Variants in MAP3K6 observed in about 807,000 individuals in gnomAD.
MAP3K6 encodes the protein apoptosis signal-regulating kinase 2.
A neutral mutation model predicts 147.1 loss-of-function variants in MAP3K6; 105 were observed. The ratio of observed to expected loss-of-function variants is 0.71; its 90% CI spans 0.61 to 0.84. MAP3K6 has a LOEUF of 0.84. Ranked by LOEUF, MAP3K6 falls within the 40% of genes least tolerant of loss-of-function variation. The pLI, the probability that MAP3K6 is intolerant of heterozygous loss-of-function variation, is 0.00. For synonymous variants in MAP3K6, 695 were observed against 732.4 expected (o/e 0.95, Z 0.82); for missense variants, 1,569 against 1,715.0 (o/e 0.91, Z 1.50).
At chr1:27,363,634 TC>T in intron 5 of MAP3K6, 86 bp from the exon 6 acceptor site, 1 of 1,067,198 alleles carries the variant, frequency 9.4e-7, no homozygotes, top group Non-Finnish European at 1.3e-6. Context: ...ACTCCTGACA[TC>T]CCACCCAGCC....
chr1:27,358,997 C>A lies in MAP3K6; in HGVS notation c.2426-131G>T. On this transcript the variant is annotated intron_variant, in intron 18 of 28. Transcript: ENST00000357582. This position sits in a 1 kb window ranked among gnomAD's most constrained non-coding sequence, Gnocchi z 6.2. ...TATCATCCAAAATATACCTCAACAC[C>A]TATCCTGGTCATCAAACATCTATCC... 1 of 894,294 alleles carries A rather than the reference C, an allele frequency of 1.1e-6. No individual in the cohort carries two copies. Among genetic ancestry groups the A allele is most frequent in the Non-Finnish European group, 1.7e-6 (1 of 595,670 alleles). The allele number at this position is 894,294 out of a possible 1,614,324, so 55.4% of individuals were successfully genotyped here.
chr1:27,363,140 GATA>G (rs1229275555), intron 6 of MAP3K6, 119 bp from the exon 7 acceptor site: 2 of 907,558 alleles, frequency 2.2e-6, no homozygotes, highest in Non-Finnish European at 3.3e-6. Flanking sequence ...ACCTCAAAAT[GATA>G]ATGACCCTGG....
At chr1:27,356,531 G>T (rs369058337) in intron 25 of MAP3K6, 31 bp from the exon 26 acceptor site, 2 of 1,611,530 alleles carry the variant, frequency 1.2e-6, no homozygotes. Flanking sequence ...GAATGGAGCG[G>T]TGAGTGGTGA....
Position 27,360,038 on chromosome 1 carries a change from C to A in MAP3K6, c.2183-44G>T, listed in dbSNP as rs754242056. 2 of 1,611,756 alleles carry A rather than the reference C, an allele frequency of 1.2e-6. No individual in the cohort carries two copies. Among genetic ancestry groups the A allele is most frequent in the Non-Finnish European group, 1.7e-6 (2 of 1,178,862 alleles). On this transcript the variant is annotated intron_variant, in intron 16 of 28. Coordinates refer to ENST00000357582, the MANE Select transcript of MAP3K6 (RefSeq NM_004672.5). The surrounding 1 kb of genome is among the most constrained non-coding windows in gnomAD (Gnocchi z 4.5). ...AGTTCATTCTTCCCACCCACTGGCT[C>A]CAGCCCACATCTCTCTGCTCAAGGC...
intron 26 of MAP3K6, 89 bp downstream of exon 26, chr1:27,356,299 G>A: frequency 7.6e-7 from 1 of 1,308,204 alleles, no homozygotes. Context: ...CAGGTGATGA[G>A]CCCAAGTCAG....
Position 27,358,820 on chromosome 1 carries a change from G to C in MAP3K6, c.2472C>G (p.Arg824=). 1 of 1,608,948 alleles carries C rather than the reference G, an allele frequency of 6.2e-7. No homozygotes were observed. Among genetic ancestry groups the C allele is most frequent in the South Asian group, 1.1e-5 (1 of 90,334 alleles). ...MAPEIIDQGP[R]GYGKAADIWS... ...AGATGTCAGCTGCTTTCCCATACCC[G>C]CGTGGGCCCTGGTCAATGATTTCTG... Residue 824 remains arginine (R), a synonymous_variant, in exon 19 of 29, where the codon CGC becomes CGG. Coordinates refer to ENST00000357582, the MANE Select transcript of MAP3K6 (RefSeq NM_004672.5). This position sits in a 1 kb window ranked among gnomAD's most constrained non-coding sequence, Gnocchi z 6.2.
In MAP3K6 at chr1:27,364,775, G is replaced by T. The variant is rs765108232; in HGVS notation, c.478C>A (p.Arg160=). The T allele has an allele frequency of 6.2e-7, 1 of 1,613,460 alleles. No individual in the cohort carries two copies. Residue 160 remains arginine, a splice_region_variant and synonymous_variant, in exon 2 of 29, where the codon CGG becomes AGG. Transcript: ENST00000357582. This position sits in a 1 kb window ranked among gnomAD's most constrained non-coding sequence, Gnocchi z 4.4. The stretch of plus-strand genomic sequence containing the variant: ...TCCACCAGCCCCAGGCCACCTACCC[G>T]CAGGGCCTGCAGGTCAGGGAGGTCG... The part of the protein sequence containing the change: ...QADLPDLQAL[R]EDVFQKNSDC...
Position 27,357,791 on chromosome 1 carries a change from G to A in MAP3K6, c.3001C>T (p.Arg1001Trp). The part of the protein sequence containing the change: ...LSLLHQESKR[R>W]AMLAAVLEQE... ...TCCAATACTGCGGCCAGCATGGCCC[G>A]ACGCTTGCTCTCCTGGTGCAGCAGG... The change falls in exon 22 of 29, where the codon CGG becomes TGG. Residue 1001 changes from arginine to tryptophan, a missense_variant. Arg to Trp is a moderately radical substitution (Grantham distance 101). Transcript: ENST00000357582. 6.2e-7 allele frequency: 1 copy of A among 1,608,950 alleles called. No individual in the cohort carries two copies. Among genetic ancestry groups the A allele is most frequent in the Non-Finnish European group, 8.5e-7 (1 of 1,178,706 alleles).
rs369160013 is a variant in MAP3K6 at position 27,361,855 on chromosome 1, G to A, written c.1428C>T (p.Ser476=). ...GGTAGAGCAGGAAGGTCTCCATCAC[G>A]GACACCAGGTACCTGCATGCAAAGC... ...KLNAPIWYLV[S]VMETFLLYQH... The change falls in exon 10 of 29, where the codon TCC becomes TCT. Residue 476 remains serine (S), a synonymous_variant. Transcript: ENST00000357582. 7 of 1,559,500 alleles carry A rather than the reference G, an allele frequency of 4.5e-6. No homozygotes were observed. Among genetic ancestry groups the A allele is most frequent in the African/African-American group, 4.1e-5 (3 of 73,906 alleles).
rs1269131830 is a variant in MAP3K6, at chr1:27,364,129, C to T, written c.696-44G>A. On this transcript the variant is annotated intron_variant, in intron 4 of 28. Transcript: ENST00000357582. This position sits in a 1 kb window ranked among gnomAD's most constrained non-coding sequence, Gnocchi z 4.4. ...GAGGCAGGGAGAGAGAATGGTGGGG[C>T]CTGTACCTCAGCCCCAGCCCACCAT... 1.9e-6 allele frequency: 3 copies of T among 1,601,328 alleles called. No homozygotes were observed. The highest frequency in any genetic ancestry group is 1.3e-5 in the African/African-American group (1 of 74,810).
intron 22 of MAP3K6, 26 bp downstream of exon 22, chr1:27,357,685 A>AGGG: frequency 6.2e-7 from 1 of 1,605,922 alleles, no homozygotes; most frequent in South Asian, 1.1e-5. Flanking sequence ...TGCGACCACC[A>AGGG]GGGGGCGCTA....
In MAP3K6 at chr1:27,359,984, G is replaced by A. The variant is rs372709415; in HGVS notation, c.2193C>T (p.Ser731=). 1.9e-6 allele frequency: 3 copies of A among 1,613,970 alleles called. No individual in the cohort carries two copies. Among genetic ancestry groups the A allele is most frequent in the African/African-American group, 2.7e-5 (2 of 74,900 alleles). ...GTCCCCACACCGACCGCAGCAAGGA[G>A]GACAGGCTGCCTGGGTGGGGACAGT... The part of the protein sequence containing the change: ...FMEEVPGGSL[S]SLLRSVWGPL... The change falls in exon 17 of 29, where the codon TCC becomes TCT. Residue 731 remains serine, a synonymous_variant. Transcript: ENST00000357582. The surrounding 1 kb of genome is among the most constrained non-coding windows in gnomAD (Gnocchi z 4.4).
chr1:27,355,564 G>T (rs2015489446), intron 28 of MAP3K6, 95 bp from the exon 29 acceptor site: 2 of 1,574,250 alleles, frequency 1.3e-6, no homozygotes, highest in Non-Finnish European at 8.7e-7. Context: ...TGTCCCTAGG[G>T]GACCCAGGTG....
rs202156425 is a variant in MAP3K6, at chr1:27,364,292, C to T, written c.607G>A (p.Val203Ile). 6.2e-5 allele frequency: 100 copies of T among 1,613,864 alleles called. No homozygotes were observed. Among genetic ancestry groups the T allele is most frequent in the Non-Finnish European group, 5.1e-6 (6 of 1,180,038 alleles). Reference protein sequence around the residue: ...GLLRGLADGLVQAGVGTEALL... With the variant: ...GLLRGLADGLIQAGVGTEALL... ...GCCTCGGTCCCCACTCCAGCCTGTA[C>T]CAGCCCATCAGCCAGGCCCCGCAGA... Residue 203 changes from valine (V) to isoleucine (I), a missense_variant, in exon 4 of 29, where the codon GTA becomes ATA. By Grantham distance (29) the Val-to-Ile change is conservative. Transcript: ENST00000357582. The surrounding 1 kb of genome is among the most constrained non-coding windows in gnomAD (Gnocchi z 4.4).
chr1:27,366,350 G>A lies in MAP3K6; in HGVS notation c.248C>T (p.Pro83Leu). ...RCLREACAQV[P>L]RPRPPPQLRS... ...CAGCTGCGGGGGCGGCCGCGGCCGG[G>A]GGACCTGCGCGCAAGCCTCGCGCAG... Residue 83 changes from proline to leucine, a missense_variant, in exon 1 of 29, where the codon CCC becomes CTC. Transcript: ENST00000357582. This position sits in a 1 kb window ranked among gnomAD's most constrained non-coding sequence, Gnocchi z 5.5. 1 of 1,285,196 alleles carries A rather than the reference G, an allele frequency of 7.8e-7. No homozygotes were observed. The highest frequency in any genetic ancestry group is 9.8e-7 in the Non-Finnish European group (1 of 1,017,812). 79.6% of individuals were successfully genotyped at this position (1,285,196 alleles called of 1,614,324 possible).
Position 27,364,101 on chromosome 1 carries a change from G to A in MAP3K6, c.696-16C>T, listed in dbSNP as rs1372681340. 17 of 1,608,376 alleles carry A rather than the reference G, an allele frequency of 1.1e-5. No homozygotes were observed. Among genetic ancestry groups the A allele is most frequent in the Non-Finnish European group, 1.4e-5 (17 of 1,177,320 alleles). The stretch of plus-strand genomic sequence containing the variant: ...GAAATAGCCACTGATGCCCAGGGTA[G>A]GGGAGGCAGGGAGAGAGAATGGTGG... On this transcript the variant is annotated splice_polypyrimidine_tract_variant and intron_variant, in intron 4 of 28. Transcript: ENST00000357582. The surrounding 1 kb of genome is among the most constrained non-coding windows in gnomAD (Gnocchi z 4.4).
chr1:27,357,468 C>T lies in MAP3K6; in HGVS notation c.3190G>A (p.Gly1064Arg), dbSNP rs773922510. The change falls in exon 23 of 29, where the codon GGA (glycine) becomes AGA (arginine). Residue 1064 changes from glycine (G) to arginine (R), a missense_variant. Physicochemically the swap from Gly to Arg is moderately radical, Grantham distance 125. Transcript: ENST00000357582. ...CCAAGGCCCTGGGCCCTCAGCCGTC[C>T]TTGCAGCGCCCGCAGCTCCTGGGCG... ...QLAQELRALQGRLRAQGLGPA... is the reference protein window; with the variant it reads ...QLAQELRALQRRLRAQGLGPA... 14 of 1,613,512 alleles carry T rather than the reference C, an allele frequency of 8.7e-6. No individual in the cohort carries two copies. In the African/African-American group the frequency reaches 1.7e-4, roughly 20 times the overall value.
chr1:27,364,476 C>T lies in MAP3K6; in HGVS notation c.505-82G>A. Reference sequence around the variant, plus strand: ...GGGGAGTGAGAGCATCAAAGGTCAGCATCAGTGGGAATTGGAATCGCAGGA... The same window carrying T: ...GGGGAGTGAGAGCATCAAAGGTCAGTATCAGTGGGAATTGGAATCGCAGGA... On this transcript the variant is annotated intron_variant, in intron 3 of 28. Transcript: ENST00000357582. The surrounding 1 kb of genome is among the most constrained non-coding windows in gnomAD (Gnocchi z 4.4). 3 of 1,567,420 alleles carry T rather than the reference C, an allele frequency of 1.9e-6. No individual in the cohort carries two copies. Among genetic ancestry groups the T allele is most frequent in the South Asian group, 1.1e-5 (1 of 89,240 alleles).
rs572742636 is a variant in MAP3K6 at position 27,362,749 on chromosome 1, G to A, written c.1147C>T (p.Arg383Cys). The A allele has an allele frequency of 4.3e-6, 7 of 1,612,742 alleles. No individual in the cohort carries two copies. The highest frequency in any genetic ancestry group is 1.7e-4 in the Middle Eastern group (1 of 6,054). Residue 383 changes from arginine to cysteine, a missense_variant, in exon 8 of 29, where the codon CGC (arginine) becomes TGC (cysteine). Arg to Cys is a radical substitution (Grantham distance 180, BLOSUM62 -3). Transcript: ENST00000357582. ...CTGGGCTCTACGTCAAAAGCCTTGCGATACCTGGGGTGGGGGTAGGGGGCA... is the reference window on the plus strand; with the variant it reads ...CTGGGCTCTACGTCAAAAGCCTTGCAATACCTGGGGTGGGGGTAGGGGGCA... ...GHREQAYHWY[R>C]KAFDVEPSLH...
Sources: allele counts gnomAD v4.1 joint callset, GRCh38; gene constraint gnomAD v4.1.1; non-coding constraint Gnocchi (gnomAD v3.1); transcripts MANE v1.5; gene names NCBI Gene and HGNC (gene_info 2026-07-23, HGNC 2026-07-21).